The following RGSL1 variants were observed in gnomAD, a reference collection of about 807,000 sequenced individuals.
RGSL1 encodes the protein regulator of G protein signaling protein-like.
A neutral mutation model predicts 124.7 loss-of-function variants in RGSL1; 97 were observed. The observed-to-expected ratio is 0.78, with a 90% CI of 0.66 to 0.92. RGSL1 has a LOEUF of 0.92. Ranked by LOEUF, RGSL1 falls within the 40% of genes least tolerant of loss-of-function variation. The pLI is 0.00. For missense variants in RGSL1, 1,233 were observed against 1,288.4 expected (o/e 0.96, Z 0.66); for synonymous variants, 424 against 438.1 (o/e 0.97, Z 0.40).
intron 9 of RGSL1, among the ~76,000 whole-genome samples, chr1:182,508,814 C>T (rs1657061922): frequency 8.1e-6 from 1 of 123,734 alleles, no homozygotes; most frequent in Admixed American, 8.4e-5. Flanking sequence ...TCTGGTTTTC[C>T]TAGGCAGAGG....
At chr1:182,479,247 T>C (rs1244601731) in intron 6 of RGSL1, among the ~76,000 whole-genome samples, 1 of 152,306 alleles carries the variant, frequency 6.6e-6, no homozygotes, top group South Asian at 2.1e-4. Context: ...CACTAGTGTG[T>C]AAATTAAGAC....
chr1:182,538,949 G>C (rs996724170), intron 14 of RGSL1, among the ~76,000 whole-genome samples: 1 of 152,272 alleles, frequency 6.6e-6, no homozygotes, highest in East Asian at 1.9e-4. Flanking sequence ...AACAGCATTT[G>C]GTGACTAATT....
chr1:182,473,552 T>G (rs1311225492), intron 5 of RGSL1, 23 bp from the exon 6 acceptor site: 1 of 1,496,350 alleles, frequency 6.7e-7, no homozygotes, highest in African/African-American at 1.4e-5. Context: ...TTTTCACCCA[T>G]GATTTCTCTG....
intron 4 of RGSL1, among the ~76,000 whole-genome samples, chr1:182,465,330 G>A (rs1414206803): frequency 2.0e-5 from 3 of 151,996 alleles, no homozygotes; most frequent in Admixed American, 6.6e-5. Flanking sequence ...GGATGAAGCT[G>A]GAAACCATCA....
At chr1:182,450,413 G>A in intron 1 of RGSL1, 1 of 576,000 alleles carries the variant, frequency 1.7e-6, no homozygotes. Flanking sequence ...AGGCAAGAGG[G>A]AGGAAGTAAA....
chr1:182,466,452 T>A (rs1653337443), intron 4 of RGSL1, among the ~76,000 whole-genome samples: 1 of 151,968 alleles, frequency 6.6e-6, no homozygotes, highest in Non-Finnish European at 1.5e-5. Flanking sequence ...CTGTTAGAAC[T>A]AAGAAATGAA....
At chr1:182,549,438 A>G (rs943266611) in intron 17 of RGSL1, 3 of 152,586 alleles carry the variant, frequency 2.0e-5, no homozygotes, top group Non-Finnish European at 2.9e-5. Context: ...ATATGCAGAT[A>G]TTTTGTGGCC....
intron 9 of RGSL1, among the ~76,000 whole-genome samples, chr1:182,493,333 C>A (rs902802680): frequency 1.3e-5 from 2 of 152,154 alleles, no homozygotes; most frequent in African/African-American, 4.8e-5. Flanking sequence ...AAGATGTAAT[C>A]ATAAATGAAT....
intron 6 of RGSL1, among the ~76,000 whole-genome samples, chr1:182,486,639 G>A (rs1012482361): frequency 6.6e-6 from 1 of 151,626 alleles, no homozygotes; most frequent in Admixed American, 6.6e-5. Flanking sequence ...TGAGGCATGA[G>A]CCACTGTACC....
intron 6 of RGSL1, among the ~76,000 whole-genome samples, chr1:182,474,867 G>A (rs954007851): frequency 6.6e-6 from 1 of 152,114 alleles, no homozygotes; most frequent in Non-Finnish European, 1.5e-5. Context: ...TGAATATGAA[G>A]GATCTGGGTT....
chr1:182,451,041 G>C (rs4393116), intron 1 of RGSL1, among the ~76,000 whole-genome samples: 1 of 151,024 alleles, frequency 6.6e-6, no homozygotes, highest in Non-Finnish European at 1.5e-5. Flanking sequence ...AGCTACTGGA[G>C]AGGTTGAGAC....
chr1:182,526,521 A>T (rs1021352395), intron 10 of RGSL1, among the ~76,000 whole-genome samples: 3 of 151,842 alleles, frequency 2.0e-5, no homozygotes, highest in Non-Finnish European at 4.4e-5. Context: ...AAACACAAAC[A>T]TTATTAGCAG....
chr1:182,461,646 T>C (rs1652845285), intron 4 of RGSL1, among the ~76,000 whole-genome samples: 1 of 151,068 alleles, frequency 6.6e-6, no homozygotes, highest in African/African-American at 2.4e-5. Context: ...AAAATGGAAA[T>C]ATTAATACAG....
At chr1:182,549,007 TC>T in intron 17 of RGSL1, 183 bp downstream of exon 17, 1 of 664,430 alleles carries the variant, frequency 1.5e-6, no homozygotes, top group Non-Finnish European at 2.4e-6. Context: ...AAACACTGAA[TC>T]CACAGATGGA....
chr1:182,486,762 G>A (rs181054975), intron 6 of RGSL1, among the ~76,000 whole-genome samples: 1,912 of 152,174 alleles, frequency 0.013, 40 homozygotes, highest in African/African-American at 0.044. Context: ...TGCAACCTCC[G>A]CCTCCTGGGT....
chr1:182,525,021 A>G (rs916849761), intron 10 of RGSL1, among the ~76,000 whole-genome samples: 1 of 152,070 alleles, frequency 6.6e-6, no homozygotes, highest in Non-Finnish European at 1.5e-5. Flanking sequence ...AAGAGAAAAA[A>G]CTGAGCAGAC....
Position 182,474,507 on chromosome 1 carries a change from C to G in RGSL1, c.1396C>G (p.Pro466Ala), listed in dbSNP as rs767639481. 6.5e-7 allele frequency: 1 copy of G among 1,546,582 alleles called. No individual in the cohort carries two copies. Among genetic ancestry groups the G allele is most frequent in the Non-Finnish European group, 8.8e-7 (1 of 1,142,770 alleles). Residue 466 changes from proline (P) to alanine (A), a missense_variant, in exon 6 of 22, where the codon CCC (proline) becomes GCC (alanine). By Grantham distance (27) the Pro-to-Ala change is conservative (BLOSUM62 -1). Coordinates refer to ENST00000294854, the MANE Select transcript of RGSL1 (RefSeq NM_001137669.2). ...ACTATTGCCCTCTGGGGATGTGATC[C>G]CCTGGATTCCCAAAGCCCAGAAGGA... The part of the protein sequence containing the change: ...KELLPSGDVI[P>A]WIPKAQKEIC...
chr1:182,467,073 T>C (rs376022051), intron 4 of RGSL1, among the ~76,000 whole-genome samples: 1 of 151,876 alleles, frequency 6.6e-6, no homozygotes. Context: ...TGTGAAGGAC[T>C]TCTTCAAGGA....
intron 1 of RGSL1, chr1:182,450,469 G>A: frequency 2.1e-6 from 1 of 482,510 alleles, no homozygotes; most frequent in South Asian, 2.9e-5. Flanking sequence ...CTGGTATGGG[G>A]TTTGAGATTA....
Sources: gnomAD v4.1 joint callset for allele counts (sites outside exome capture counted in the v4.1 genomes callset) on GRCh38, gnomAD v4.1.1 for gene constraint, MANE v1.5 for transcripts, NCBI Gene and HGNC (gene_info 2026-07-23, HGNC 2026-07-21) for gene names.